MALRD1: variants seen among roughly 807,000 people sequenced by gnomAD.
MALRD1 encodes MAM and LDL receptor class A domain containing 1, also known as MAM and LDL-receptor class A domain-containing protein 1.
Under a neutral mutation model 242.1 loss-of-function variants are expected in MALRD1, and 247 were observed. The observed-to-expected ratio is 1.02, with a 90% CI of 0.92 to 1.13. MALRD1 has a LOEUF of 1.13. Among genes scored for constraint, MALRD1 ranks in the 50% most tolerant of loss-of-function variants. The probability of loss-of-function intolerance (pLI) is 0.00; values close to 1 mark genes in which losing one functional copy is unlikely to be tolerated. For synonymous variants in MALRD1, 995 were observed against 866.6 expected, an observed-to-expected ratio of 1.15 and a Z score of -2.60; for missense variants, 2,989 against 2,533.1, an observed-to-expected ratio of 1.18 and a Z score of -3.86.
chr10:19,575,580 A>C (rs1836778637), intron 33 of MALRD1, among the ~76,000 whole-genome samples: 1 of 152,084 alleles, frequency 6.6e-6, no homozygotes, highest in Admixed American at 6.6e-5. Flanking sequence ...TTTCATAATA[A>C]GGATATTTGT....
intron 32 of MALRD1, among the ~76,000 whole-genome samples, chr10:19,532,075 G>A (rs188778791): frequency 1.9e-3 from 286 of 152,070 alleles, no homozygotes; most frequent in African/African-American, 6.6e-3. Flanking sequence ...ATTAAGTTCT[G>A]CCTTATATTT....
At chr10:19,305,493 A>C (rs1029877280) in intron 21 of MALRD1, among the ~76,000 whole-genome samples, 3 of 151,380 alleles carry the variant, frequency 2.0e-5, no homozygotes, top group African/African-American at 7.3e-5. Flanking sequence ...AATCAATATA[A>C]AGCTAAATAA....
At position 19,058,075 on chromosome 10, in the gene MALRD1, C is replaced by A. The variant is rs970008175; in HGVS notation, c.200-8644C>A. ...CTGTTAAATAATCTCCATCCAGTGT[C>A]TCGTTTAATTTTTACCAAACACAAA... On this transcript the variant is annotated intron_variant, in intron 1 of 39. Coordinates refer to ENST00000454679, the MANE Select transcript of MALRD1 (RefSeq NM_001142308.3). Among the ~76,000 whole-genome samples the A allele has an allele frequency of 3.9e-5, 6 of 152,196 alleles. No homozygotes were observed. In the East Asian group the frequency reaches 1.2e-3, roughly 29 times the overall value.
intron 12 of MALRD1, among the ~76,000 whole-genome samples, chr10:19,157,327 C>G (rs954985187): frequency 6.8e-6 from 1 of 147,532 alleles, no homozygotes; most frequent in Non-Finnish European, 1.5e-5. Context: ...GGCTGGAGTG[C>G]AGTGGCGCAA....
At chr10:19,100,648 C>A (rs1474938929) in intron 4 of MALRD1, among the ~76,000 whole-genome samples, 1 of 152,040 alleles carries the variant, frequency 6.6e-6, no homozygotes, top group Non-Finnish European at 1.5e-5. Flanking sequence ...GGAGAAAGGA[C>A]AAAGTGTTTT....
chr10:19,393,606 T>C (rs1028495277), intron 28 of MALRD1, among the ~76,000 whole-genome samples: 30 of 145,428 alleles, frequency 2.1e-4, no homozygotes, highest in East Asian at 2.1e-3. Context: ...CCACCACGCC[T>C]GGCTAATTTT....
rs1005099062 is a variant in MALRD1, at chr10:19,128,389, T to A, written c.1110+2T>A. The A allele has an allele frequency of 3.2e-6, 4 of 1,232,260 alleles. No homozygotes were observed. In the African/African-American group the frequency reaches 4.7e-5, roughly 14 times the overall value. The allele number at this position is 1,232,260 out of a possible 1,614,324, so 76.3% of individuals were successfully genotyped here. A position where few individuals can be genotyped will look rare whatever the true frequency, so the allele number is the denominator to read the frequency against. On this transcript the variant is annotated splice_donor_variant, in intron 8 of 39. Transcript: ENST00000454679. LOFTEE classifies it high-confidence loss of function. ...AGAGTAAGACTGTATAATAATAAGG[T>A]AAGAAGAAAGTTGCATTTATTTCAA... is the stretch of plus-strand genomic sequence containing the variant.
At chr10:19,235,179 G>A (rs1266356012) in intron 18 of MALRD1, among the ~76,000 whole-genome samples, 1 of 152,118 alleles carries the variant, frequency 6.6e-6, no homozygotes, top group African/African-American at 2.4e-5. Context: ...CAGTCCTTTA[G>A]ATAGGCCGCT....
At chr10:19,653,613 C>CTTCTTGCCTCTTGGAGACTTTGT (rs1564517939) in intron 36 of MALRD1, among the ~76,000 whole-genome samples, 1 of 151,574 alleles carries the variant, frequency 6.6e-6, no homozygotes, top group African/African-American at 2.4e-5. Context: ...TTAATTTTTT[C>CTTCTTGCCTCTTGGAGACTTTGT]TTCTTGCCTC....
chr10:19,579,535 G>A (rs1233787720), intron 33 of MALRD1, among the ~76,000 whole-genome samples: 1 of 152,150 alleles, frequency 6.6e-6, no homozygotes, highest in Non-Finnish European at 1.5e-5. Context: ...TAATTTCTGT[G>A]AGTAACAGCT....
rs1836695839 is a variant in MALRD1, at chr10:19,204,339, CA to C, written c.2137del (p.Ser713AlafsTer50). The C allele has an allele frequency of 1.3e-6, 2 of 1,543,298 alleles. No homozygotes were observed. Among genetic ancestry groups the C allele is most frequent in the East Asian group, 5.0e-5 (2 of 40,350 alleles). On this transcript the variant is annotated frameshift_variant, in exon 16 of 40. Coordinates refer to ENST00000454679, the MANE Select transcript of MALRD1 (RefSeq NM_001142308.3). LOFTEE classifies it high-confidence loss of function. ...HFMFILKKSS[S>X]LWQVAKLQSP... is the part of the protein sequence containing the mutation. ...TTATGTTCATTCTGAAGAAAAGCAG[CA>C]GCTTGTGGCAAGTTGCTAAGCTTCA...
intron 18 of MALRD1, among the ~76,000 whole-genome samples, chr10:19,255,046 G>A (rs12258062): frequency 0.025 from 3,866 of 152,058 alleles, 174 homozygotes; most frequent in African/African-American, 0.089. Context: ...AAGCCTCAAA[G>A]TTCCAACGTG....
chr10:19,179,839 A>C (rs1425610449), intron 14 of MALRD1, among the ~76,000 whole-genome samples: 1 of 152,190 alleles, frequency 6.6e-6, no homozygotes, highest in Non-Finnish European at 1.5e-5. Context: ...AAAACTATAG[A>C]TCCTGCCTAG....
chr10:19,221,091 T>A (rs1307381476), intron 18 of MALRD1, among the ~76,000 whole-genome samples: 2 of 152,130 alleles, frequency 1.3e-5, no homozygotes, highest in East Asian at 3.8e-4. Context: ...CCAGGAGGAT[T>A]TTGTAGTGAA....
intron 24 of MALRD1, among the ~76,000 whole-genome samples, chr10:19,339,381 C>A (rs559832040): frequency 2.0e-4 from 31 of 152,060 alleles, no homozygotes; most frequent in Non-Finnish European, 3.8e-4. Context: ...CAAGTAGTAG[C>A]CAATTCACGT....
intron 36 of MALRD1, among the ~76,000 whole-genome samples, chr10:19,681,670 A>T (rs1842377574): frequency 6.6e-6 from 1 of 152,046 alleles, no homozygotes; most frequent in Admixed American, 6.6e-5. Context: ...CAGTTCATCC[A>T]TCTCAGCCTC....
chr10:19,364,061 T>A (rs1176728396), intron 26 of MALRD1, among the ~76,000 whole-genome samples: 1 of 151,970 alleles, frequency 6.6e-6, no homozygotes, highest in Non-Finnish European at 1.5e-5. Flanking sequence ...CCAAAAAAGT[T>A]AAAAAATATC....
chr10:19,088,152 T>C lies in MALRD1; in HGVS notation c.564T>C (p.Asn188=). ...CACTCCCAAATCAGTGGGAGAGAAA[T>C]GTCATCAAAATCCAGAGTTCACAGA... ...TAALPNQWER[N]VIKIQSSQRF... is the part of the protein sequence containing the mutation. The change falls in exon 4 of 40, where the codon AAT becomes AAC. Residue 188 remains asparagine, a synonymous_variant. Transcript: ENST00000454679. 2.4e-6 allele frequency: 3 copies of C among 1,233,410 alleles called. No individual in the cohort carries two copies. The highest frequency in any genetic ancestry group is 3.0e-6 in the Non-Finnish European group (3 of 987,838). 76.4% of individuals were successfully genotyped at this position (1,233,410 alleles called of 1,614,324 possible).
At chr10:19,385,811 A>G (rs528309905) in intron 26 of MALRD1, among the ~76,000 whole-genome samples, 23 of 152,088 alleles carry the variant, frequency 1.5e-4, no homozygotes, top group African/African-American at 4.8e-4. Context: ...CTGTCAAATA[A>G]AGTTAGGATG....
Sources: gnomAD v4.1 joint callset for allele counts (sites outside exome capture counted in the v4.1 genomes callset) on GRCh38, gnomAD v4.1.1 for gene constraint, MANE v1.5 for transcripts, NCBI Gene and HGNC (gene_info 2026-07-23, HGNC 2026-07-21) for gene names.